Variants in ADAD1 observed in about 807,000 individuals in gnomAD.
The protein encoded by ADAD1 is adenosine deaminase domain-containing protein 1.
Under a neutral mutation model 66.8 loss-of-function variants are expected in ADAD1, and 46 were observed. That is an observed-to-expected ratio of 0.69 (90% CI 0.54 to 0.88). The LOEUF (loss-of-function observed/expected upper bound fraction) is 0.88. ADAD1 is among the 40% of genes least tolerant of loss of function. The probability of loss-of-function intolerance (pLI) is 0.00; values close to 1 mark genes in which losing one functional copy is unlikely to be tolerated. For missense variants in ADAD1, 617 were observed against 681.8 expected (o/e 0.91, Z 1.06); for synonymous variants, 248 against 229.4 (o/e 1.08, Z -0.73).
In ADAD1 at chr4:122,393,608, A is replaced by G. The variant is rs760725869; in HGVS notation, c.549A>G (p.Ala183=). The G allele has an allele frequency of 1.9e-6, 3 of 1,599,822 alleles. No individual in the cohort carries two copies. The highest frequency in any genetic ancestry group is 8.5e-7 in the Non-Finnish European group (1 of 1,174,636). Residue 183 remains alanine (A), a synonymous_variant, in exon 6 of 13, where the codon GCA becomes GCG. Coordinates refer to ENST00000296513, the MANE Select transcript of ADAD1 (RefSeq NM_139243.4). ...LETSGPPPFP[A]EPVVLSELAY... ...TTACAGGTCCTCCTCCTTTCCCTGC[A>G]GAACCTGTTGTTTTATCTGAACTAG...
chr4:122,382,165 T>G (rs889593492), intron 4 of ADAD1, among the ~76,000 whole-genome samples: 1 of 152,218 alleles, frequency 6.6e-6, no homozygotes, highest in Non-Finnish European at 1.5e-5. Context: ...AAATGTAAAC[T>G]GTTGGTCATT....
chr4:122,389,133 C>T (rs970377656), intron 5 of ADAD1, among the ~76,000 whole-genome samples: 4 of 152,192 alleles, frequency 2.6e-5, no homozygotes, highest in Admixed American at 2.0e-4. Context: ...ACCCAGGAGT[C>T]ATTCAGGAAC....
rs1170022988 is a variant in ADAD1, at chr4:122,381,067, C to T, written c.248C>T (p.Pro83Leu). 1 of 1,603,292 alleles carries T rather than the reference C, an allele frequency of 6.2e-7. No homozygotes were observed. Among genetic ancestry groups the T allele is most frequent in the Non-Finnish European group, 8.5e-7 (1 of 1,177,804 alleles). ...SNPVLPPKKI[P>L]KEFIMKYKRG... ...CCTGTCCTTCCTCCAAAAAAAATAC[C>T]TAAGGAATTTATAATGAAATACAAA... The change falls in exon 4 of 13, where the codon CCT (proline) becomes CTT (leucine). Residue 83 changes from proline (P) to leucine (L), a missense_variant. Coordinates refer to ENST00000296513, the MANE Select transcript of ADAD1 (RefSeq NM_139243.4).
intron 7 of ADAD1, among the ~76,000 whole-genome samples, chr4:122,397,179 G>C (rs887003829): frequency 1.3e-5 from 2 of 152,196 alleles, no homozygotes; most frequent in East Asian, 3.8e-4. Context: ...AGATTAGTCT[G>C]TGTACAGGAG....
intron 5 of ADAD1, among the ~76,000 whole-genome samples, chr4:122,386,790 GA>G (rs1795194680): frequency 2.0e-5 from 3 of 152,282 alleles, no homozygotes; most frequent in South Asian, 4.2e-4. Context: ...TACTGAATAG[GA>G]GATCCTTTCC....
In ADAD1 at chr4:122,383,851, G is replaced by A. The variant is rs769550990; in HGVS notation, c.414G>A (p.Gln138=). Residue 138 remains glutamine (Q), a synonymous_variant, in exon 5 of 13, where the codon CAG becomes CAA. Transcript: ENST00000296513. ...FAFCAVVDGI[Q]YKTGLGQNKK... ...TTTGTGCTGTGGTGGATGGTATTCA[G>A]TACAAGACTGGACTGGGACAAAATA... 3.7e-6 allele frequency: 6 copies of A among 1,613,754 alleles called. No individual in the cohort carries two copies. The highest frequency in any genetic ancestry group is 1.7e-5 in the Admixed American group (1 of 59,966).
chr4:122,429,148 G>T (rs1797395801), intron 12 of ADAD1, among the ~76,000 whole-genome samples: 1 of 151,048 alleles, frequency 6.6e-6, no homozygotes, highest in African/African-American at 2.4e-5. Context: ...AGAACAAGAA[G>T]AAAAACTGGC....
At chr4:122,419,638 A>C (rs182665843) in intron 11 of ADAD1, among the ~76,000 whole-genome samples, 133 of 152,350 alleles carry the variant, frequency 8.7e-4, no homozygotes, top group African/African-American at 2.7e-3. Context: ...AGCAGAATTT[A>C]ACAGCACATT....
intron 7 of ADAD1, among the ~76,000 whole-genome samples, chr4:122,406,770 T>C (rs1158277771): frequency 1.3e-5 from 2 of 152,070 alleles, no homozygotes; most frequent in Non-Finnish European, 2.9e-5. Context: ...TGTGCACGTG[T>C]TATTTCTTTT....
intron 12 of ADAD1, among the ~76,000 whole-genome samples, chr4:122,427,983 C>A (rs72669135): frequency 9.0e-4 from 137 of 152,232 alleles, no homozygotes; most frequent in Non-Finnish European, 1.8e-3. Flanking sequence ...TAAACCTATA[C>A]ACATATGATC....
At chr4:122,396,520 G>C in intron 7 of ADAD1, 143 bp downstream of exon 7, 1 of 610,918 alleles carries the variant, frequency 1.6e-6, no homozygotes, top group Non-Finnish European at 2.5e-6. Flanking sequence ...TAAACACAAA[G>C]CTTCTCCAAG....
chr4:122,393,702 A>G, intron 6 of ADAD1, 45 bp downstream of exon 6: 1 of 1,411,466 alleles, frequency 7.1e-7, no homozygotes, highest in Admixed American at 2.2e-5. Flanking sequence ...GAGTAGCCCA[A>G]TTAAAAATAG....
chr4:122,423,173 G>A lies in ADAD1; in HGVS notation c.1617+1783G>A, dbSNP rs139181535. On this transcript the variant is annotated intron_variant, in intron 12 of 12. Transcript: ENST00000296513. Reference sequence around the variant, plus strand: ...AAAAGCAGCAGCTTTGCTTTCAGAGGAGGTATACTTGATTTGGGACAGGGG... The same window carrying A: ...AAAAGCAGCAGCTTTGCTTTCAGAGAAGGTATACTTGATTTGGGACAGGGG... Among the ~76,000 whole-genome samples the A allele has an allele frequency of 3.9e-5, 6 of 152,228 alleles. No homozygotes were observed. The East Asian group carries it at 1.2e-3, about 29-fold the overall frequency.
chr4:122,386,315 C>A (rs1459565977), intron 5 of ADAD1, among the ~76,000 whole-genome samples: 1 of 152,130 alleles, frequency 6.6e-6, no homozygotes, highest in Non-Finnish European at 1.5e-5. Context: ...TTGCTTTTTT[C>A]ATATGTTTGT....
At chr4:122,427,523 C>CTTTTTTTTTTT (rs59864757) in intron 12 of ADAD1, among the ~76,000 whole-genome samples, 2 of 71,980 alleles carry the variant, frequency 2.8e-5, no homozygotes, top group Non-Finnish European at 4.7e-5. Context: ...ATCCAAAGGC[C>CTTTTTTTTTTT]TTTTTTTTTT....
chr4:122,404,015 C>T (rs555376152), intron 7 of ADAD1, among the ~76,000 whole-genome samples: 2 of 152,282 alleles, frequency 1.3e-5, no homozygotes, highest in African/African-American at 2.4e-5. Flanking sequence ...CAGTCTCACT[C>T]CTGCAGTGCC....
chr4:122,400,156 T>C (rs1240900540), intron 7 of ADAD1, among the ~76,000 whole-genome samples: 1 of 152,162 alleles, frequency 6.6e-6, no homozygotes, highest in Non-Finnish European at 1.5e-5. Context: ...CATAGATGGC[T>C]TTTATTACCT....
chr4:122,396,469 G>A, intron 7 of ADAD1, 92 bp downstream of exon 7: 1 of 1,105,366 alleles, frequency 9.0e-7, no homozygotes, highest in Non-Finnish European at 1.2e-6. Context: ...CAATGGTGTT[G>A]CATTGATTTG....
intron 6 of ADAD1, among the ~76,000 whole-genome samples, chr4:122,395,757 C>T (rs577250774): frequency 5.3e-5 from 8 of 152,136 alleles, no homozygotes; most frequent in Admixed American, 2.6e-4. Context: ...GAGCTATCCT[C>T]CTCCTCTTTC....
Sources: gnomAD v4.1 joint callset for allele counts (sites outside exome capture counted in the v4.1 genomes callset) on GRCh38, gnomAD v4.1.1 for gene constraint, MANE v1.5 for transcripts, NCBI Gene and HGNC (gene_info 2026-07-23, HGNC 2026-07-21) for gene names.